The following GAB4 variants were observed in gnomAD, a reference collection of about 807,000 sequenced individuals.
The protein encoded by GAB4 is GRB2 associated binding protein family member 4.
GAB4 carries 26 observed loss-of-function variants against 51.3 expected under a neutral mutation model. The ratio of observed to expected loss-of-function variants is 0.51; its 90% CI spans 0.37 to 0.70. GAB4 has a LOEUF of 0.70. GAB4 is among the 30% of genes least tolerant of loss of function. The pLI is 0.00. For missense variants in GAB4, 759 were observed against 734.6 expected (o/e 1.03, Z -0.38); for synonymous variants, 329 against 291.2 (o/e 1.13, Z -1.32).
intron 1 of GAB4, among the ~76,000 whole-genome samples, chr22:16,997,172 C>T (rs191311006): frequency 6.6e-6 from 1 of 152,264 alleles, no homozygotes; most frequent in Non-Finnish European, 1.5e-5. Flanking sequence ...AATGGGATTG[C>T]TGGGTCAAAT....
At chr22:16,965,911 G>C (rs1223231794) in intron 6 of GAB4, among the ~76,000 whole-genome samples, 189 bp downstream of exon 6, 1 of 152,210 alleles carries the variant, frequency 6.6e-6, no homozygotes, top group Non-Finnish European at 1.5e-5. Context: ...CACTGTCCCA[G>C]ACACTCTCCT....
chr22:16,984,381 A>G (rs759349167), intron 3 of GAB4, among the ~76,000 whole-genome samples: 7 of 152,250 alleles, frequency 4.6e-5, no homozygotes, highest in Non-Finnish European at 7.3e-5. Context: ...ACTATGGAAA[A>G]CAATATGGAG....
At chr22:16,983,535 A>G (rs552636873) in intron 3 of GAB4, among the ~76,000 whole-genome samples, 1 of 152,342 alleles carries the variant, frequency 6.6e-6, no homozygotes, top group South Asian at 2.1e-4. Context: ...GAGGACTCAT[A>G]TTACCTGACT....
At chr22:16,993,422 T>G (rs1028264172) in intron 1 of GAB4, among the ~76,000 whole-genome samples, 1 of 152,190 alleles carries the variant, frequency 6.6e-6, no homozygotes, top group African/African-American at 2.4e-5. Flanking sequence ...ATCACAACTC[T>G]TTAGAACCCA....
intron 1 of GAB4, 143 bp from the exon 2 acceptor site, chr22:16,992,319 T>C: frequency 1.4e-6 from 1 of 695,138 alleles, no homozygotes; most frequent in Non-Finnish European, 2.4e-6. Flanking sequence ...GTTTCAAAGG[T>C]GGAGAGTGAC....
At chr22:16,974,905 A>G (rs534421858) in intron 3 of GAB4, among the ~76,000 whole-genome samples, 1 of 152,288 alleles carries the variant, frequency 6.6e-6, no homozygotes, top group South Asian at 2.1e-4. Flanking sequence ...GGGAAGCACA[A>G]AGTGTTGGGG....
intron 1 of GAB4, among the ~76,000 whole-genome samples, chr22:17,003,922 A>T (rs1340457607): frequency 1.3e-5 from 2 of 152,190 alleles, no homozygotes; most frequent in Non-Finnish European, 2.9e-5. Flanking sequence ...CGCTAGCCAG[A>T]CTAATAAAGA....
chr22:16,962,941 C>G, intron 9 of GAB4, 65 bp from the exon 10 acceptor site: 2 of 1,500,110 alleles, frequency 1.3e-6, no homozygotes, highest in African/African-American at 1.4e-5. Flanking sequence ...GAAGGGCAGG[C>G]CAAGGAGTGG....
chr22:16,991,970 C>T lies in GAB4; in HGVS notation c.381G>A (p.Glu127=), dbSNP rs200019959. The change falls in exon 2 of 10, where the codon GAG becomes GAA. Residue 127 remains glutamate, a synonymous_variant. Coordinates refer to ENST00000400588, the MANE Select transcript of GAB4 (RefSeq NM_001037814.1). ...KGYMFDIKTS[E]RTFYLVAETR... is the part of the protein sequence containing the mutation. ...TCTCAGCCACCAGGTAAAAGGTACG[C>T]TCACTGGTCTTGATGTCAAACATAT... is the stretch of plus-strand genomic sequence containing the variant. 3.1e-6 allele frequency: 5 copies of T among 1,614,008 alleles called. No individual in the cohort carries two copies. In the Admixed American group the frequency reaches 5.0e-5, roughly 16 times the overall value.
At chr22:17,006,180 AAAC>A (rs1404103042) in intron 1 of GAB4, among the ~76,000 whole-genome samples, 11 of 152,226 alleles carry the variant, frequency 7.2e-5, no homozygotes, top group African/African-American at 1.7e-4. Flanking sequence ...TACAAGAAAA[AAAC>A]AACAACACTA....
intron 3 of GAB4, among the ~76,000 whole-genome samples, chr22:16,972,996 C>T (rs1169981019): frequency 6.6e-6 from 1 of 152,228 alleles, no homozygotes; most frequent in Admixed American, 6.5e-5. Context: ...GCGTGCTCCT[C>T]TCAGTGACAC....
intron 5 of GAB4, chr22:16,966,902 C>T (rs1601246725): frequency 6.4e-6 from 1 of 156,112 alleles, no homozygotes; most frequent in South Asian, 2.0e-4. Context: ...AGACTAAGTC[C>T]TCTGCCTCTG....
rs994341586 is a variant in GAB4 at position 16,995,099 on chromosome 22, T to C, written c.175-2923A>G. On this transcript the variant is annotated intron_variant, in intron 1 of 9. Transcript: ENST00000400588. ...TCCTATAAACGCCTTGGTCATAAAG[T>C]GGCAGAGCAAGACTTCAAGCCCAGC... Among the ~76,000 whole-genome samples the C allele has an allele frequency of 2.6e-5, 4 of 152,192 alleles. No homozygotes were observed. The East Asian group carries it at 5.8e-4, about 22-fold the overall frequency.
chr22:16,985,795 T>G (rs2060862371), intron 3 of GAB4, among the ~76,000 whole-genome samples: 1 of 152,242 alleles, frequency 6.6e-6, no homozygotes, highest in South Asian at 2.1e-4. Flanking sequence ...ATGTGCCATC[T>G]CACTACAGCA....
At chr22:16,974,642 T>C (rs1185350580) in intron 3 of GAB4, among the ~76,000 whole-genome samples, 1 of 152,242 alleles carries the variant, frequency 6.6e-6, no homozygotes, top group African/African-American at 2.4e-5. Context: ...TCCTAGGTTT[T>C]GTAGCCACTT....
At chr22:16,970,659 G>A (rs924554657) in intron 3 of GAB4, among the ~76,000 whole-genome samples, 1 of 152,074 alleles carries the variant, frequency 6.6e-6, no homozygotes, top group Admixed American at 6.6e-5. Flanking sequence ...CTTTGAAGTG[G>A]GTGGCAGGAA....
rs1338347509 is a variant in GAB4, at chr22:17,008,012, T to C, written c.103A>G (p.Thr35Ala). The C allele has an allele frequency of 1.2e-6, 2 of 1,612,220 alleles. No homozygotes were observed. Among genetic ancestry groups the C allele is most frequent in the Admixed American group, 1.7e-5 (1 of 59,810 alleles). The change falls in exon 1 of 10, where the codon ACG becomes GCG. Residue 35 changes from threonine to alanine, a missense_variant. By Grantham distance (58) the Thr-to-Ala change is moderately conservative. Transcript: ENST00000400588. ...WPGSGPAGGS[T>A]RSGHVLYSGW... ...CTGTACAGCACGTGGCCACTTCTCG[T>C]GCTTCCGCCGGCGGGGCCACTTCCG...
At chr22:16,992,254 T>C (rs1318720437) in intron 1 of GAB4, 78 bp from the exon 2 acceptor site, 13 of 1,311,210 alleles carry the variant, frequency 9.9e-6, no homozygotes, top group Non-Finnish European at 1.4e-5. Flanking sequence ...ATCACTAAGT[T>C]AAGGATGGGA....
intron 3 of GAB4, among the ~76,000 whole-genome samples, chr22:16,984,642 A>G (rs1299716832): frequency 6.6e-6 from 1 of 152,222 alleles, no homozygotes; most frequent in Non-Finnish European, 1.5e-5. Flanking sequence ...TCTGCAGGAA[A>G]TCAAGCTGGT....
Sources: gnomAD v4.1 joint callset for allele counts (sites outside exome capture counted in the v4.1 genomes callset) on GRCh38, gnomAD v4.1.1 for gene constraint, MANE v1.5 for transcripts, NCBI Gene and HGNC (gene_info 2026-07-23, HGNC 2026-07-21) for gene names.